The following ABCC4 variants were observed in gnomAD, a reference collection of about 807,000 sequenced individuals.
The protein encoded by ABCC4 is ATP-binding cassette sub-family C member 4.
Under a neutral mutation model 168.5 loss-of-function variants are expected in ABCC4, and 102 were observed. The observed-to-expected ratio is 0.61, with a 90% confidence interval of 0.52 to 0.71. ABCC4 has a LOEUF of 0.71. ABCC4 is among the 30% of genes least tolerant of loss of function. The pLI is 0.00. For synonymous variants in ABCC4, 617 were observed against 590.7 expected, an observed-to-expected ratio of 1.04 and a Z score of -0.65; for missense variants, 1,402 against 1,605.8, an observed-to-expected ratio of 0.87 and a Z score of 2.17.
intron 3 of ABCC4, among the ~76,000 whole-genome samples, chr13:95,246,143 G>A (rs753563169): frequency 6.6e-6 from 1 of 152,142 alleles, no homozygotes; most frequent in Non-Finnish European, 1.5e-5. Flanking sequence ...AGGCCCTTCG[G>A]GGTAACAGAG....
At chr13:95,029,139 C>T (rs1208558381) in intron 30 of ABCC4, among the ~76,000 whole-genome samples, 2 of 141,730 alleles carry the variant, frequency 1.4e-5, no homozygotes, top group Admixed American at 7.3e-5. Context: ...GCCTGGGCAA[C>T]AGGAGTGAAA....
At chr13:95,122,947 C>T (rs150811235) in intron 19 of ABCC4, among the ~76,000 whole-genome samples, 1 of 152,302 alleles carries the variant, frequency 6.6e-6, no homozygotes, top group Non-Finnish European at 1.5e-5. Flanking sequence ...CTTGCCTTTT[C>T]ATATAATTAT....
intron 30 of ABCC4, among the ~76,000 whole-genome samples, chr13:95,022,201 T>C (rs2031130024): frequency 6.6e-6 from 1 of 152,198 alleles, no homozygotes; most frequent in Non-Finnish European, 1.5e-5. Flanking sequence ...AAAGCAGTTA[T>C]AGGGCCTATA....
chr13:95,090,165 T>C (rs1171698504), intron 20 of ABCC4, among the ~76,000 whole-genome samples: 1 of 152,040 alleles, frequency 6.6e-6, no homozygotes, highest in Non-Finnish European at 1.5e-5. Context: ...TGCCCCCACC[T>C]GATGGTCCTT....
chr13:95,123,502 C>T (rs1681621753), intron 19 of ABCC4, among the ~76,000 whole-genome samples: 1 of 152,176 alleles, frequency 6.6e-6, no homozygotes, highest in Non-Finnish European at 1.5e-5. Flanking sequence ...GCTGGGAATA[C>T]AGACGTGCAC....
At chr13:95,185,159 T>C (rs1026002046) in intron 11 of ABCC4, among the ~76,000 whole-genome samples, 3 of 151,862 alleles carry the variant, frequency 2.0e-5, no homozygotes, top group Non-Finnish European at 2.9e-5. Flanking sequence ...ATAAACAAAA[T>C]GAGGATAGCA....
Position 95,073,211 on chromosome 13 carries a change from T to G in ABCC4, c.3011A>C (p.Glu1004Ala). The part of the protein sequence containing the change: ...QWCVRQSAEV[E>A]NMMISVERVI... ...CGTGAAGGTAAATATTACCATATTC[T>G]CAACTTCAGCACTTTGTCGAACACA... Residue 1004 changes from glutamate to alanine, a missense_variant, in exon 24 of 31, where the codon GAG becomes GCG. Physicochemically the swap from Glu to Ala is moderately radical, Grantham distance 107. This residue lies in a region of ABCC4 where 1,007 missense variants were observed against 1,127.3 expected (regional missense o/e 0.89). Coordinates refer to ENST00000645237, the MANE Select transcript of ABCC4 (RefSeq NM_005845.5). The G allele has an allele frequency of 3.7e-6, 6 of 1,613,170 alleles. No homozygotes were observed. Among genetic ancestry groups the G allele is most frequent in the Non-Finnish European group, 5.1e-6 (6 of 1,179,390 alleles).
rs553883166 is a variant in ABCC4 at position 95,257,963 on chromosome 13, C to T, written c.75-10210G>A. ...TCACGTAACTCAGCGCACAGCCATG[C>T]CCCACACATAAGCCTCACTTATGTG... On this transcript the variant is annotated intron_variant, in intron 1 of 30. Transcript: ENST00000645237. 1.7e-3 allele frequency among the ~76,000 whole-genome samples: 260 copies of T among 152,304 alleles called. 1 individual carries two copies. The highest frequency in any genetic ancestry group is 6.8e-3 in the Middle Eastern group (2 of 294).
chr13:95,072,226 C>A (rs1594048732), intron 24 of ABCC4, among the ~76,000 whole-genome samples: 1 of 152,250 alleles, frequency 6.6e-6, no homozygotes, highest in Middle Eastern at 3.4e-3. Context: ...TTTGGGAGGC[C>A]GGGGCAGGTG....
chr13:95,203,774 C>A (rs1267939502), intron 8 of ABCC4, among the ~76,000 whole-genome samples: 1 of 152,074 alleles, frequency 6.6e-6, no homozygotes, highest in Non-Finnish European at 1.5e-5. Context: ...AGACTCCGAT[C>A]CAGTCCACTC....
At chr13:95,260,834 T>C (rs1028382475) in intron 1 of ABCC4, among the ~76,000 whole-genome samples, 26 of 151,948 alleles carry the variant, frequency 1.7e-4, no homozygotes, top group African/African-American at 5.6e-4. Context: ...CAGTCAGGAA[T>C]TGGATTTGAA....
At chr13:95,189,124 CTTTTTTTTTTTTTTTT>C (rs61449462) in intron 9 of ABCC4, among the ~76,000 whole-genome samples, 5 of 67,266 alleles carry the variant, frequency 7.4e-5, no homozygotes, top group South Asian at 5.8e-4. Context: ...AAACAATATT[CTTTTTTTTTTTTTTTT>C]TTTTTTTTTT....
At chr13:95,198,529 C>A (rs1451551794) in intron 8 of ABCC4, among the ~76,000 whole-genome samples, 3 of 152,116 alleles carry the variant, frequency 2.0e-5, no homozygotes, top group African/African-American at 7.2e-5. Flanking sequence ...ATTAGTTCAA[C>A]CACTGTGAAA....
chr13:95,166,035 C>T (rs1379043267), intron 15 of ABCC4, 123 bp downstream of exon 15: 1 of 916,778 alleles, frequency 1.1e-6, no homozygotes, highest in Non-Finnish European at 1.7e-6. Flanking sequence ...TGGAATAGAG[C>T]CCTGAAACCA....
chr13:95,040,432 C>A (rs2032306683), intron 29 of ABCC4, among the ~76,000 whole-genome samples: 1 of 152,078 alleles, frequency 6.6e-6, no homozygotes, highest in African/African-American at 2.4e-5. Context: ...CAGGGTTTCA[C>A]CATGTTGGCC....
chr13:95,286,947 ACT>A, intron 1 of ABCC4, among the ~76,000 whole-genome samples: 1 of 122,244 alleles, frequency 8.2e-6, no homozygotes, highest in Non-Finnish European at 1.7e-5. Context: ...CAAGAGTGAA[ACT>A]CTGTCTCAAA....
chr13:95,155,810 T>G (rs1469257710), intron 19 of ABCC4, among the ~76,000 whole-genome samples: 1 of 152,238 alleles, frequency 6.6e-6, no homozygotes, highest in African/African-American at 2.4e-5. Context: ...AACATTTATC[T>G]GGCACCCATT....
At position 95,209,445 on chromosome 13, in the gene ABCC4, GAAC is replaced by G; in HGVS notation, c.771_773del (p.Leu257del). The G allele has an allele frequency of 3.1e-6, 5 of 1,614,074 alleles. No individual in the cohort carries two copies. The highest frequency in any genetic ancestry group is 4.2e-6 in the Non-Finnish European group (5 of 1,179,954). On this transcript the variant is annotated inframe_deletion, in exon 6 of 31. Transcript: ENST00000645237. The stretch of plus-strand genomic sequence containing the variant: ...AGTATTTCTCTTACCTCAGTGATGA[GAAC>G]AACTTCCCAAAACAGCTTTGCAAGG...
chr13:95,196,864 C>T (rs1262103028), intron 8 of ABCC4, among the ~76,000 whole-genome samples: 2 of 152,190 alleles, frequency 1.3e-5, no homozygotes, highest in Non-Finnish European at 2.9e-5. Context: ...CCCATCACAA[C>T]CAAACCGTTC....
Sources: allele counts gnomAD v4.1 joint callset (sites outside exome capture counted in the v4.1 genomes callset), GRCh38; gene constraint gnomAD v4.1.1; regional missense constraint gnomAD v4.1.1; transcripts MANE v1.5; gene names NCBI Gene and HGNC (gene_info 2026-07-23, HGNC 2026-07-21).